PTPRN2: variants seen among roughly 807,000 people sequenced by gnomAD.
The protein encoded by PTPRN2 is protein tyrosine phosphatase receptor type N2, also known as receptor-type tyrosine-protein phosphatase N2.
In PTPRN2, 74 loss-of-function variants were observed where a neutral mutation model predicts 118.8. The observed-to-expected ratio is 0.62, with a 90% confidence interval of 0.52 to 0.76. The LOEUF is 0.76. Ranked by LOEUF, PTPRN2 falls within the 30% of genes least tolerant of loss-of-function variation. PTPRN2 has a pLI of 0.00. For synonymous variants in PTPRN2, 641 were observed against 608.0 expected (o/e 1.05, Z -0.80); for missense variants, 1,481 against 1,394.4 (o/e 1.06, Z -0.99).
chr7:157,997,275 C>A (rs750905593), intron 11 of PTPRN2, among the ~76,000 whole-genome samples: 9 of 152,242 alleles, frequency 5.9e-5, no homozygotes, highest in Non-Finnish European at 1.2e-4. Context: ...CTGGCCTGGG[C>A]TCCCACTGAG....
chr7:157,657,125 A>G (rs1187059783), intron 13 of PTPRN2, among the ~76,000 whole-genome samples: 2 of 134,618 alleles, frequency 1.5e-5, no homozygotes, highest in Non-Finnish European at 3.2e-5. Flanking sequence ...CATCACACAT[A>G]TACACACACA....
At chr7:158,214,319 G>C (rs1827814972) in intron 3 of PTPRN2, among the ~76,000 whole-genome samples, 1 of 151,608 alleles carries the variant, frequency 6.6e-6, no homozygotes, top group Non-Finnish European at 1.5e-5. Flanking sequence ...CATGGTGGTG[G>C]ATTCCCTGGG....
chr7:158,201,893 G>T (rs1826672706), intron 4 of PTPRN2, among the ~76,000 whole-genome samples: 1 of 152,148 alleles, frequency 6.6e-6, no homozygotes, highest in Admixed American at 6.5e-5. Context: ...AAACCAAGCT[G>T]CACCCTGAGC....
intron 12 of PTPRN2, among the ~76,000 whole-genome samples, chr7:157,792,435 C>G (rs928292417): frequency 6.6e-6 from 1 of 152,220 alleles, no homozygotes; most frequent in Non-Finnish European, 1.5e-5. Context: ...AGAAGCCCAT[C>G]TCCACCCCCA....
chr7:157,957,172 A>G (rs1801238290), intron 11 of PTPRN2, among the ~76,000 whole-genome samples: 1 of 152,238 alleles, frequency 6.6e-6, no homozygotes, highest in Non-Finnish European at 1.5e-5. Flanking sequence ...AGCAGGGGAC[A>G]AGAGTCACCC....
In PTPRN2 at chr7:158,184,366, C is replaced by T. The variant is rs75174369; in HGVS notation, c.549+7961G>A. ...CTCAATTATTTCATAATTTTTGATG[C>T]TACTATATTTTTTAAAATTCATATT... is the stretch of plus-strand genomic sequence containing the variant. On this transcript the variant is annotated intron_variant, in intron 5 of 22. Coordinates refer to ENST00000389418, the MANE Select transcript of PTPRN2 (RefSeq NM_002847.5). Among the ~76,000 whole-genome samples, 1,265 of 152,192 alleles carry T rather than the reference C, an allele frequency of 8.3e-3. 21 individuals are homozygous for T. The highest frequency in any genetic ancestry group is 0.029 in the African/African-American group (1,185 of 41,504).
intron 11 of PTPRN2, among the ~76,000 whole-genome samples, chr7:157,927,053 G>T (rs866207051): frequency 2.0e-5 from 2 of 99,876 alleles, no homozygotes; most frequent in African/African-American, 5.6e-5. Flanking sequence ...ACCCGTCTGA[G>T]AGCAGAGGCC....
intron 11 of PTPRN2, among the ~76,000 whole-genome samples, chr7:157,922,938 C>T (rs903763037): frequency 6.6e-6 from 1 of 152,238 alleles, no homozygotes; most frequent in Non-Finnish European, 1.5e-5. Context: ...TGCTCTGGGA[C>T]CAGCCATCCT....
Position 157,615,718 on chromosome 7 carries a change from G to A in PTPRN2, c.2344+5644C>T, listed in dbSNP as rs1802728227. On this transcript the variant is annotated intron_variant, in intron 15 of 22. Coordinates refer to ENST00000389418, the MANE Select transcript of PTPRN2 (RefSeq NM_002847.5). This position sits in a 1 kb window ranked among gnomAD's most constrained non-coding sequence, Gnocchi z 4.3. ...GGTGCCGAGCTGAGAGGGAGGTGAC[G>A]CAGTGACTCAGGAACCACAAGCTCT... is the stretch of plus-strand genomic sequence containing the variant. 6 of 416,452 alleles carry A rather than the reference G, an allele frequency of 1.4e-5. No individual in the cohort carries two copies. Among genetic ancestry groups the A allele is most frequent in the African/African-American group, 4.1e-5 (2 of 49,268 alleles). 25.8% of individuals were successfully genotyped at this position (416,452 alleles called of 1,614,324 possible). A position where few individuals can be genotyped will look rare whatever the true frequency, so the allele number is the denominator to read the frequency against.
Position 158,249,016 on chromosome 7 carries a change from GCATA to G in PTPRN2, c.278-43747_278-43744del, listed in dbSNP as rs202215960. ...CACATCACACATGCAGCACATATGT[GCATA>G]CATAAACACACGTGCACACATGCCA... On this transcript the variant is annotated intron_variant, in intron 3 of 22. Coordinates refer to ENST00000389418, the MANE Select transcript of PTPRN2 (RefSeq NM_002847.5). Among the ~76,000 whole-genome samples, 809 of 140,268 alleles carry G rather than the reference GCATA, an allele frequency of 5.8e-3. 11 individuals carry two copies. Among genetic ancestry groups the G allele is most frequent in the African/African-American group, 0.02 (734 of 36,840 alleles). The allele number at this position is 140,268 out of a possible 152,430, so 92.0% of individuals were successfully genotyped here. A position where few individuals can be genotyped will look rare whatever the true frequency, so the allele number is the denominator to read the frequency against.
At chr7:157,860,098 T>C (rs991283206) in intron 12 of PTPRN2, among the ~76,000 whole-genome samples, 4 of 152,186 alleles carry the variant, frequency 2.6e-5, no homozygotes, top group Admixed American at 2.6e-4. Flanking sequence ...TCGTGATTCC[T>C]GTGGAGCAGA....
chr7:158,208,790 C>T (rs10225478), intron 3 of PTPRN2, among the ~76,000 whole-genome samples: 72 of 152,202 alleles, frequency 4.7e-4, no homozygotes, highest in African/African-American at 1.7e-3. Context: ...GTAAACTGCT[C>T]ATATCTGGAG....
intron 9 of PTPRN2, among the ~76,000 whole-genome samples, chr7:158,132,476 TACAC>T (rs375619329): frequency 0.017 from 2,542 of 148,956 alleles, 76 homozygotes; most frequent in African/African-American, 0.053. Flanking sequence ...CACACTCGTA[TACAC>T]ACACGCACGC....
chr7:157,595,399 G>T, intron 16 of PTPRN2, 84 bp from the exon 17 acceptor site: 1 of 1,292,126 alleles, frequency 7.7e-7, no homozygotes, highest in South Asian at 1.2e-5. Flanking sequence ...TAGGAAGCCA[G>T]AAGGTTAGGA....
intron 3 of PTPRN2, among the ~76,000 whole-genome samples, chr7:158,297,784 A>G (rs150960289): frequency 6.6e-6 from 1 of 152,120 alleles, no homozygotes; most frequent in Admixed American, 6.5e-5. Context: ...CTGTTCCCTC[A>G]CCTCTCCACA....
At chr7:157,752,905 G>A (rs1249720238) in intron 12 of PTPRN2, among the ~76,000 whole-genome samples, 5 of 152,066 alleles carry the variant, frequency 3.3e-5, no homozygotes, top group African/African-American at 9.7e-5. Flanking sequence ...AGGGTTCAGG[G>A]CTTATGACAA....
intron 11 of PTPRN2, among the ~76,000 whole-genome samples, chr7:158,008,736 C>T (rs961829639): frequency 1.6e-4 from 24 of 152,226 alleles, no homozygotes; most frequent in African/African-American, 4.8e-4. Flanking sequence ...GGGCCTCTAA[C>T]GAATGTTTAG....
chr7:157,881,136 G>A lies in PTPRN2; in HGVS notation c.1788+17537C>T, dbSNP rs748140597. On this transcript the variant is annotated intron_variant, in intron 12 of 22. Transcript: ENST00000389418. This position sits in a 1 kb window ranked among gnomAD's most constrained non-coding sequence, Gnocchi z 4.7. Reference sequence around the variant, plus strand: ...AGTCATTATGATAAAATGAAGTCATGAGGGTATGTGGAGATGGAGGTGTTT... The same window carrying A: ...AGTCATTATGATAAAATGAAGTCATAAGGGTATGTGGAGATGGAGGTGTTT... 2.0e-5 allele frequency among the ~76,000 whole-genome samples: 3 copies of A among 152,014 alleles called. No homozygotes were observed. Among genetic ancestry groups the A allele is most frequent in the Non-Finnish European group, 4.4e-5 (3 of 68,012 alleles).
chr7:157,881,668 G>A lies in PTPRN2; in HGVS notation c.1788+17005C>T, dbSNP rs1796138409. 6.6e-6 allele frequency among the ~76,000 whole-genome samples: 1 copy of A among 152,006 alleles called. No individual in the cohort carries two copies. Among genetic ancestry groups the A allele is most frequent in the Non-Finnish European group, 1.5e-5 (1 of 68,026 alleles). ...AAGGAGAGGATTTCCTGTTTTCGTGGAACGTTAAGTCCAAGTGCTTGTCAA... is the reference window on the plus strand; with the variant it reads ...AAGGAGAGGATTTCCTGTTTTCGTGAAACGTTAAGTCCAAGTGCTTGTCAA... On this transcript the variant is annotated intron_variant, in intron 12 of 22. Coordinates refer to ENST00000389418, the MANE Select transcript of PTPRN2 (RefSeq NM_002847.5). The surrounding 1 kb of genome is among the most constrained non-coding windows in gnomAD (Gnocchi z 4.7).
Sources: gnomAD v4.1 joint callset for allele counts (sites outside exome capture counted in the v4.1 genomes callset) on GRCh38, gnomAD v4.1.1 for gene constraint, Gnocchi (gnomAD v3.1) non-coding constraint, MANE v1.5 for transcripts, NCBI Gene and HGNC (gene_info 2026-07-23, HGNC 2026-07-21) for gene names.